Variants in DACH2 observed in about 807,000 individuals in gnomAD.
DACH2 encodes the protein dachshund homolog 2.
DACH2 carries 17 observed loss-of-function variants against 35.8 expected under a neutral mutation model. The observed-to-expected ratio is 0.48, with a 90% CI of 0.33 to 0.71. The LOEUF is 0.71. DACH2 is among the 30% of genes least tolerant of loss of function. The probability of loss-of-function intolerance (pLI) is 0.02; values close to 1 mark genes in which losing one functional copy is unlikely to be tolerated. For missense variants in DACH2, 469 were observed against 472.7 expected (o/e 0.99, Z 0.07); for synonymous variants, 195 against 177.3 (o/e 1.10, Z -0.79).
At chrX:86,779,629 T>G (rs2042070446) in intron 7 of DACH2, among the ~76,000 whole-genome samples, 1 of 111,197 alleles carries the variant, frequency 9.0e-6, no homozygotes, top group East Asian at 2.8e-4. Context: ...ATAGTCAAAT[T>G]ACAACTGCAG....
chrX:86,451,812 C>T (rs866678473), intron 2 of DACH2, among the ~76,000 whole-genome samples: 11 of 110,580 alleles, frequency 9.9e-5, no homozygotes, highest in African/African-American at 3.6e-4. Flanking sequence ...ATTTAGTTCC[C>T]CTCTTCCTGT....
intron 11 of DACH2, among the ~76,000 whole-genome samples, chrX:86,817,968 A>T (rs1223435839): frequency 8.9e-6 from 1 of 112,218 alleles, no homozygotes; most frequent in Non-Finnish European, 1.9e-5. Flanking sequence ...AAGGAATGAG[A>T]TGTAATTTAT....
chrX:86,417,456 A>G (rs1286059273), intron 2 of DACH2, among the ~76,000 whole-genome samples: 5 of 111,795 alleles, frequency 4.5e-5, no homozygotes, highest in African/African-American at 1.6e-4. Context: ...CAATAATGGC[A>G]GAAGACAAGG....
chrX:86,305,168 A>G (rs909738935), intron 1 of DACH2: 2 of 129,036 alleles, frequency 1.5e-5, no homozygotes, highest in African/African-American at 6.5e-5. Context: ...TACACGCTCT[A>G]TATCTCTCCT....
chrX:86,180,176 G>GTATATATATATATATA (rs72366047), intron 1 of DACH2, among the ~76,000 whole-genome samples: 1,038 of 42,835 alleles, frequency 0.024, 111 homozygotes, highest in Non-Finnish European at 0.036. Context: ...ATGCTAAACC[G>GTATATATATATATATA]TATATATATA....
intron 1 of DACH2, among the ~76,000 whole-genome samples, chrX:86,234,619 ATT>A (rs57740362): frequency 9.8e-5 from 10 of 101,735 alleles, no homozygotes; most frequent in African/African-American, 3.2e-4. Context: ...TTTTAATTTA[ATT>A]TTTTTTTTTT....
intron 5 of DACH2, among the ~76,000 whole-genome samples, chrX:86,712,250 A>C (rs1175759392): frequency 1.8e-5 from 2 of 111,748 alleles, no homozygotes; most frequent in African/African-American, 6.5e-5. Flanking sequence ...TGATTAGTTT[A>C]ATATATATTA....
chrX:86,346,569 G>T (rs1405950004), intron 1 of DACH2, among the ~76,000 whole-genome samples: 1 of 111,411 alleles, frequency 9.0e-6, no homozygotes, highest in African/African-American at 3.3e-5. Context: ...CAGCTGACTT[G>T]AGCTGAAACA....
At chrX:86,512,951 T>C in intron 2 of DACH2, 2 of 326,418 alleles carry the variant, frequency 6.1e-6, no homozygotes, top group Non-Finnish European at 1.2e-5. Context: ...ATTTATAAAA[T>C]TGAAACATCA....
At chrX:86,405,093 C>A (rs1338625295) in intron 2 of DACH2, among the ~76,000 whole-genome samples, 1 of 111,244 alleles carries the variant, frequency 9.0e-6, no homozygotes, top group African/African-American at 3.3e-5. Context: ...CCCAGGTGAC[C>A]ATTTTTCCCT....
At chrX:86,597,217 G>A (rs1328371406) in intron 3 of DACH2, among the ~76,000 whole-genome samples, 1 of 111,929 alleles carries the variant, frequency 8.9e-6, no homozygotes, top group Non-Finnish European at 1.9e-5. Context: ...GTTAATTGCT[G>A]TGGTGAGCAC....
chrX:86,341,585 AG>A (rs2035413525), intron 1 of DACH2, among the ~76,000 whole-genome samples: 1 of 112,388 alleles, frequency 8.9e-6, no homozygotes, highest in African/African-American at 3.2e-5. Flanking sequence ...TCGATGTTCA[AG>A]TCTCTTTTTC....
chrX:86,659,081 G>A (rs1246960622), intron 4 of DACH2, among the ~76,000 whole-genome samples: 2 of 110,946 alleles, frequency 1.8e-5, no homozygotes, highest in African/African-American at 3.3e-5. Context: ...CTTTCTTTAT[G>A]TTATCCAAAC....
chrX:86,730,824 A>T (rs1389394387), intron 6 of DACH2, among the ~76,000 whole-genome samples: 2 of 111,897 alleles, frequency 1.8e-5, no homozygotes, highest in Admixed American at 9.5e-5. Context: ...AATTATTTAC[A>T]TGTATCTACC....
At chrX:86,300,424 G>A (rs973252674) in intron 1 of DACH2, among the ~76,000 whole-genome samples, 2 of 108,570 alleles carry the variant, frequency 1.8e-5, no homozygotes, top group Admixed American at 2.0e-4. Flanking sequence ...TTAATTTATC[G>A]CAAGGACAAA....
At position 86,189,146 on chromosome X, in the gene DACH2, A is replaced by G. The variant is rs1041258547; in HGVS notation, c.488+40038A>G. 2.7e-5 allele frequency among the ~76,000 whole-genome samples: 3 copies of G among 112,328 alleles called. No homozygotes were observed. In the East Asian group the frequency reaches 8.4e-4, roughly 32 times the overall value. On this transcript the variant is annotated intron_variant, in intron 1 of 11. Transcript: ENST00000373125. ...CTATAAAATGCTTGAATTTGTCTTG[A>G]GCAGATTAAGGACCAAGGTAGCTAA...
Position 86,664,243 on chromosome X carries a change from A to T in DACH2, c.772+13076A>T, listed in dbSNP as rs59328181. Among the ~76,000 whole-genome samples the T allele has an allele frequency of 5.1e-3, 562 of 111,174 alleles. 6 individuals carry two copies. Among genetic ancestry groups the T allele is most frequent in the African/African-American group, 0.018 (538 of 30,658 alleles). ...TTTCCTAGTGTAGATGCTGAAGTTA[A>T]CATGCATTATTTAATAAATATATTT... On this transcript the variant is annotated intron_variant, in intron 4 of 11. Transcript: ENST00000373125.
chrX:86,647,184 G>A (rs1015086665), intron 3 of DACH2, among the ~76,000 whole-genome samples: 12 of 110,120 alleles, frequency 1.1e-4, no homozygotes, highest in Non-Finnish European at 1.3e-4. Flanking sequence ...GAATATATAT[G>A]AGGTAAAATC....
chrX:86,440,303 A>G (rs1160490004), intron 2 of DACH2, among the ~76,000 whole-genome samples: 1 of 110,933 alleles, frequency 9.0e-6, no homozygotes, highest in Non-Finnish European at 1.9e-5. Flanking sequence ...GCTCTGTGGC[A>G]TATACTTTAA....
Sources: allele counts gnomAD v4.1 joint callset (sites outside exome capture counted in the v4.1 genomes callset), GRCh38; gene constraint gnomAD v4.1.1; transcripts MANE v1.5; gene names NCBI Gene and HGNC (gene_info 2026-07-23, HGNC 2026-07-21).